Variants in KCNAB1 observed in about 807,000 individuals in gnomAD.
KCNAB1 encodes potassium voltage-gated channel subfamily A regulatory beta subunit 1.
In KCNAB1, 35 loss-of-function variants were observed where a neutral mutation model predicts 64.6. The observed-to-expected ratio is 0.54, with a 90% confidence interval of 0.41 to 0.72. The LOEUF (loss-of-function observed/expected upper bound fraction) is 0.72. Among genes scored for constraint, KCNAB1 ranks in the 30% least tolerant of loss-of-function variants. The probability of loss-of-function intolerance (pLI) is 0.00; values close to 1 mark genes in which losing one functional copy is unlikely to be tolerated. For synonymous variants in KCNAB1, 177 were observed against 183.8 expected (o/e 0.96, Z 0.30); for missense variants, 401 against 512.9 (o/e 0.78, Z 2.11).
chr3:156,329,575 A>G (rs968128570), intron 1 of KCNAB1, among the ~76,000 whole-genome samples: 5 of 152,244 alleles, frequency 3.3e-5, no homozygotes, highest in African/African-American at 9.6e-5. Flanking sequence ...GAGCATCCTA[A>G]GGGGGACACA....
intron 8 of KCNAB1, among the ~76,000 whole-genome samples, chr3:156,488,152 C>T (rs1715349106): frequency 6.6e-6 from 1 of 152,124 alleles, no homozygotes; most frequent in Non-Finnish European, 1.5e-5. Context: ...CTGTATACCA[C>T]AGCATACATA....
At chr3:156,476,763 G>A (rs915044339) in intron 8 of KCNAB1, among the ~76,000 whole-genome samples, 42 of 152,130 alleles carry the variant, frequency 2.8e-4, no homozygotes, top group Non-Finnish European at 3.4e-4. Flanking sequence ...CCCACCAGCA[G>A]TGTAGAAATG....
chr3:156,459,328 A>G, intron 4 of KCNAB1, among the ~76,000 whole-genome samples: 1 of 152,148 alleles, frequency 6.6e-6, no homozygotes, highest in East Asian at 1.9e-4. Context: ...ACTGGAACCT[A>G]AGATGTTCTG....
chr3:156,343,742 G>A (rs374668021), intron 1 of KCNAB1, among the ~76,000 whole-genome samples: 1 of 152,184 alleles, frequency 6.6e-6, no homozygotes, highest in African/African-American at 2.4e-5. Flanking sequence ...ACAATCACCA[G>A]TGACTACATA....
intron 8 of KCNAB1, among the ~76,000 whole-genome samples, chr3:156,512,919 T>C (rs980415594): frequency 2.6e-5 from 4 of 152,124 alleles, no homozygotes; most frequent in Non-Finnish European, 5.9e-5. Flanking sequence ...CAATTAAAAA[T>C]AGTTTACAGA....
chr3:156,394,211 A>T (rs1449950381), intron 1 of KCNAB1, among the ~76,000 whole-genome samples: 1 of 152,204 alleles, frequency 6.6e-6, no homozygotes, highest in Admixed American at 6.5e-5. Flanking sequence ...GAGAAGAGAA[A>T]CCTGGAAATA....
chr3:156,317,522 G>T (rs546180379), intron 1 of KCNAB1, among the ~76,000 whole-genome samples: 2 of 151,918 alleles, frequency 1.3e-5, no homozygotes, highest in African/African-American at 2.4e-5. Flanking sequence ...ATTAATACGT[G>T]TGGTAATAGC....
chr3:156,467,617 G>T (rs1713516460), intron 7 of KCNAB1, among the ~76,000 whole-genome samples: 1 of 147,142 alleles, frequency 6.8e-6, no homozygotes, highest in South Asian at 2.1e-4. Context: ...CCAAACACTG[G>T]CTTATATTTT....
chr3:156,447,177 A>G (rs528804515), intron 2 of KCNAB1, among the ~76,000 whole-genome samples: 2 of 152,174 alleles, frequency 1.3e-5, no homozygotes, highest in Non-Finnish European at 2.9e-5. Context: ...TAAAATTTCA[A>G]TACTGATTCC....
chr3:156,399,308 AAC>A (rs778175860), intron 1 of KCNAB1, among the ~76,000 whole-genome samples: 4 of 152,272 alleles, frequency 2.6e-5, no homozygotes, highest in East Asian at 3.9e-4. Context: ...AAAAAATAAA[AAC>A]AGTTTGTCAT....
chr3:156,439,033 A>C (rs569195122), intron 2 of KCNAB1, among the ~76,000 whole-genome samples: 4 of 151,358 alleles, frequency 2.6e-5, no homozygotes, highest in African/African-American at 9.7e-5. Flanking sequence ...AAAAAACAAA[A>C]AAAAAAAACC....
chr3:156,198,616 C>CTTTTTT (rs59410120), intron 1 of KCNAB1, among the ~76,000 whole-genome samples: 8 of 118,526 alleles, frequency 6.7e-5, no homozygotes, highest in African/African-American at 1.3e-4. Context: ...GCAAACCCTG[C>CTTTTTT]TTTTTTTTTT....
intron 7 of KCNAB1, among the ~76,000 whole-genome samples, chr3:156,472,987 G>A (rs1275992097): frequency 1.3e-5 from 2 of 152,212 alleles, no homozygotes; most frequent in African/African-American, 4.8e-5. Context: ...CCCACACTGA[G>A]CTGTTTAGAA....
intron 1 of KCNAB1, among the ~76,000 whole-genome samples, chr3:156,145,523 G>A (rs2108286245): frequency 6.6e-6 from 1 of 152,292 alleles, no homozygotes; most frequent in South Asian, 2.1e-4. Flanking sequence ...GGTTAAGAGA[G>A]AAGCTGACTT....
chr3:156,272,905 A>T (rs1719118156), intron 1 of KCNAB1, among the ~76,000 whole-genome samples: 1 of 152,046 alleles, frequency 6.6e-6, no homozygotes, highest in African/African-American at 2.4e-5. Flanking sequence ...TCAGGGTTCA[A>T]GGACTCTAGT....
chr3:156,194,986 C>G (rs1713808889), intron 1 of KCNAB1, among the ~76,000 whole-genome samples: 1 of 152,042 alleles, frequency 6.6e-6, no homozygotes, highest in African/African-American at 2.4e-5. Flanking sequence ...CTCCCTGTGT[C>G]CATGTGTTCT....
chr3:156,505,985 C>T (rs1233037078), intron 8 of KCNAB1, among the ~76,000 whole-genome samples: 1 of 152,212 alleles, frequency 6.6e-6, no homozygotes. Flanking sequence ...TCACTTCCCA[C>T]CTGGACCCAC....
chr3:156,377,721 G>A (rs1349992968), intron 1 of KCNAB1, among the ~76,000 whole-genome samples: 1 of 152,124 alleles, frequency 6.6e-6, no homozygotes, highest in Non-Finnish European at 1.5e-5. Flanking sequence ...TGTGATATGA[G>A]AGCGATTGCT....
intron 1 of KCNAB1, among the ~76,000 whole-genome samples, chr3:156,390,430 A>G (rs550497906): frequency 6.6e-6 from 1 of 152,364 alleles, no homozygotes; most frequent in Non-Finnish European, 1.5e-5. Flanking sequence ...AAGGTTGTAT[A>G]TCAAAGGCAT....
Sources: allele counts gnomAD v4.1 joint callset (sites outside exome capture counted in the v4.1 genomes callset), GRCh38; gene constraint gnomAD v4.1.1; transcripts MANE v1.5; gene names NCBI Gene and HGNC (gene_info 2026-07-23, HGNC 2026-07-21).